The following BRDT variants were observed in gnomAD, a reference collection of about 807,000 sequenced individuals.
BRDT encodes the protein bromodomain testis associated.
In BRDT, 77 loss-of-function variants were observed where a neutral mutation model predicts 113.9. The observed-to-expected ratio is 0.68, with a 90% CI of 0.56 to 0.82. BRDT has a LOEUF of 0.82. Ranked by LOEUF, BRDT falls within the 40% of genes least tolerant of loss-of-function variation. The pLI is 0.00. For missense variants in BRDT, 1,027 were observed against 1,105.4 expected (o/e 0.93, Z 1.01); for synonymous variants, 358 against 366.5 (o/e 0.98, Z 0.26).
intron 3 of BRDT, among the ~76,000 whole-genome samples, chr1:91,967,138 A>G (rs1683144601): frequency 6.6e-6 from 1 of 152,230 alleles, no homozygotes; most frequent in Non-Finnish European, 1.5e-5. Context: ...GTGTTATTTT[A>G]TTAATTAGTT....
Position 91,977,036 on chromosome 1 carries a change from G to A in BRDT, c.619-7G>A, listed in dbSNP as rs756627393. On this transcript the variant is annotated splice_polypyrimidine_tract_variant and splice_region_variant and intron_variant, in intron 5 of 18. Transcript: ENST00000399546. The stretch of plus-strand genomic sequence containing the variant: ...TATATTTTTGTTGTTGAATTGTTCT[G>A]TTGTAGGTTACAAAAGGTGTGAAGA... 4 of 1,580,530 alleles carry A rather than the reference G, an allele frequency of 2.5e-6. No homozygotes were observed. Among genetic ancestry groups the A allele is most frequent in the Non-Finnish European group, 8.6e-7 (1 of 1,162,988 alleles).
At chr1:91,979,011 A>AAAAAAAC (rs1553189994) in intron 7 of BRDT, among the ~76,000 whole-genome samples, 17 of 130,804 alleles carry the variant, frequency 1.3e-4, no homozygotes, top group Non-Finnish European at 2.2e-4. Flanking sequence ...AAAAAAAAAA[A>AAAAAAAC]AACAACAACA....
At chr1:91,957,825 G>A (rs1340414453) in intron 1 of BRDT, among the ~76,000 whole-genome samples, 4 of 151,922 alleles carry the variant, frequency 2.6e-5, no homozygotes, top group African/African-American at 9.7e-5. Flanking sequence ...CTATAGTTTT[G>A]TGTTTTTTTG....
chr1:91,957,268 C>T (rs1172883982), intron 1 of BRDT, among the ~76,000 whole-genome samples: 1 of 152,142 alleles, frequency 6.6e-6, no homozygotes, highest in Non-Finnish European at 1.5e-5. Context: ...CCGAGGCAGG[C>T]GGATCACGAG....
intron 16 of BRDT, among the ~76,000 whole-genome samples, chr1:92,004,004 T>C (rs889842788): frequency 1.3e-5 from 2 of 152,094 alleles, no homozygotes; most frequent in African/African-American, 4.8e-5. Flanking sequence ...CTCAACAAAC[T>C]CCATGGCATT....
chr1:91,981,369 C>G lies in BRDT; in HGVS notation c.1852C>G (p.Arg618Gly). 1 of 1,612,662 alleles carries G rather than the reference C, an allele frequency of 6.2e-7. No homozygotes were observed. The highest frequency in any genetic ancestry group is 1.7e-4 in the Middle Eastern group (1 of 6,056). Residue 618 changes from arginine (R) to glycine (G), a missense_variant, in exon 11 of 19, where the codon CGT becomes GGT. Transcript: ENST00000399546. ...TAATAATCAGTTAAATTCTAGAAAA[C>G]GTCAAACAAAATGTAGGTGGCAGTT... Reference protein sequence around the residue: ...DVNNQLNSRKRQTKSDKTQPS... With the variant: ...DVNNQLNSRKGQTKSDKTQPS...
chr1:91,996,453 G>A (rs989921767), intron 15 of BRDT, among the ~76,000 whole-genome samples: 1 of 152,046 alleles, frequency 6.6e-6, no homozygotes, highest in African/African-American at 2.4e-5. Context: ...CACCATGTTG[G>A]CCAGGCTGGT....
chr1:92,014,405 A>G lies in BRDT; in HGVS notation c.*131A>G, dbSNP rs1688043281. 1 of 553,982 alleles carries G rather than the reference A, an allele frequency of 1.8e-6. No individual in the cohort carries two copies. The allele number at this position is 553,982 out of a possible 1,614,324, so 34.3% of individuals were successfully genotyped here. A position where few individuals can be genotyped will look rare whatever the true frequency, so the allele number is the denominator to read the frequency against. ...TATTTTGACTGCTCTAAAATGATTAAACAGTTTTCACTTACATTTTTAATA... is the reference window on the plus strand; with the variant it reads ...TATTTTGACTGCTCTAAAATGATTAGACAGTTTTCACTTACATTTTTAATA... On this transcript the variant is annotated 3_prime_UTR_variant, in exon 19 of 19. Transcript: ENST00000399546.
chr1:91,964,825 A>G (rs781105919), intron 3 of BRDT, 61 bp downstream of exon 3: 4 of 1,175,598 alleles, frequency 3.4e-6, no homozygotes, highest in Middle Eastern at 3.2e-4. Flanking sequence ...AGAGAAATGT[A>G]TAAAATCATG....
At chr1:92,003,733 G>T (rs1687049709) in intron 16 of BRDT, among the ~76,000 whole-genome samples, 1 of 152,078 alleles carries the variant, frequency 6.6e-6, no homozygotes, top group Non-Finnish European at 1.5e-5. Flanking sequence ...AAATTGGGAT[G>T]ACTTAGTATG....
At chr1:92,010,152 A>G (rs1290240741) in intron 18 of BRDT, among the ~76,000 whole-genome samples, 1 of 152,090 alleles carries the variant, frequency 6.6e-6, no homozygotes, top group Non-Finnish European at 1.5e-5. Context: ...AAGCTTGGAA[A>G]AATTTTGGCC....
intron 4 of BRDT, among the ~76,000 whole-genome samples, chr1:91,970,141 T>C (rs1683486609): frequency 6.6e-6 from 1 of 151,896 alleles, no homozygotes. Flanking sequence ...ACATTTAAGT[T>C]TTTTGTTAGA....
At chr1:91,951,752 C>T (rs537880617) in intron 1 of BRDT, among the ~76,000 whole-genome samples, 7 of 151,866 alleles carry the variant, frequency 4.6e-5, no homozygotes, top group Admixed American at 3.9e-4. Flanking sequence ...CCAGCCTGGG[C>T]GACAGAGTGA....
At chr1:91,949,385 T>A (rs541545914), upstream of BRDT, 1 of 152,362 alleles carries the variant, frequency 6.6e-6, no homozygotes, top group East Asian at 1.9e-4. Context: ...AAAGCGCCTG[T>A]CGCGCGACCG....
chr1:91,992,206 T>G, intron 13 of BRDT, 58 bp from the exon 14 acceptor site: 4 of 956,814 alleles, frequency 4.2e-6, no homozygotes, highest in Middle Eastern at 3.2e-4. Context: ...AAAAGAAATA[T>G]AATCACATGG....
Position 91,996,303 on chromosome 1 carries a change from T to C in BRDT, c.2287+2049T>C, listed in dbSNP as rs1390439196. Among the ~76,000 whole-genome samples, 6 of 152,202 alleles carry C rather than the reference T, an allele frequency of 3.9e-5. No homozygotes were observed. The East Asian group carries it at 1.2e-3, about 29-fold the overall frequency. On this transcript the variant is annotated intron_variant, in intron 15 of 18. Coordinates refer to ENST00000399546, the MANE Select transcript of BRDT (RefSeq NM_207189.4). ...TCGCCCTGTTGCCCAGGCTGGAGTG[T>C]AGTAGCACAACCTCTGCTCACCGCA...
At chr1:91,973,362 T>C (rs1261119564) in intron 4 of BRDT, among the ~76,000 whole-genome samples, 1 of 152,102 alleles carries the variant, frequency 6.6e-6, no homozygotes, top group African/African-American at 2.4e-5. Flanking sequence ...AATCTATAAA[T>C]TACCTTGGGC....
In BRDT at chr1:91,977,381, T is replaced by C. The variant is rs1443799415; in HGVS notation, c.957T>C (p.Leu319=). The part of the protein sequence containing the change: ...YYDVVKNPMD[L]GTIKEKMDNQ... ...ACGTTGTCAAAAATCCGATGGATCT[T>C]GGAACTATTAAGGTAAATGTTGCCT... The change falls in exon 6 of 19, where the codon CTT becomes CTC. Residue 319 remains leucine (L), a synonymous_variant. Transcript: ENST00000399546. 3.2e-6 allele frequency: 5 copies of C among 1,582,384 alleles called. No individual in the cohort carries two copies. The highest frequency in any genetic ancestry group is 4.3e-6 in the Non-Finnish European group (5 of 1,165,948).
chr1:92,006,876 C>T (rs1011284632), intron 18 of BRDT, among the ~76,000 whole-genome samples: 17 of 152,056 alleles, frequency 1.1e-4, no homozygotes, highest in African/African-American at 3.6e-4. Context: ...CGACCTCTGC[C>T]TCCTGGGTTC....
Sources: gnomAD v4.1 joint callset for allele counts (sites outside exome capture counted in the v4.1 genomes callset) on GRCh38, gnomAD v4.1.1 for gene constraint, MANE v1.5 for transcripts, NCBI Gene and HGNC (gene_info 2026-07-23, HGNC 2026-07-21) for gene names.